Variants in CA13 observed in about 807,000 individuals in gnomAD.
The protein encoded by CA13 is carbonic anhydrase 13.
Under a neutral mutation model 31.5 loss-of-function variants are expected in CA13, and 21 were observed. The ratio of observed to expected loss-of-function variants is 0.67; its 90% CI spans 0.47 to 0.96. CA13 has a LOEUF of 0.96. Ranked by LOEUF, CA13 falls within the 40% of genes least tolerant of loss-of-function variation. The pLI is 0.00. For synonymous variants in CA13, 117 were observed against 111.4 expected (o/e 1.05, Z -0.32); for missense variants, 315 against 318.9 (o/e 0.99, Z 0.09).
chr8:85,283,227 A>G lies in CA13; in HGVS notation c.*1878A>G, dbSNP rs540104899. 4 of 152,254 alleles carry G rather than the reference A, an allele frequency of 2.6e-5. No homozygotes were observed. The East Asian group carries it at 7.7e-4, about 29-fold the overall frequency. The allele number at this position is 152,254 out of a possible 1,614,324, so 9.4% of individuals were successfully genotyped here. ...TTGTGAGCCACCACACCTGGCTTGA[A>G]TGTAGATTTTAATAATTGAATTTAT... On this transcript the variant is annotated 3_prime_UTR_variant, in exon 7 of 7. Coordinates refer to ENST00000321764, the MANE Select transcript of CA13 (RefSeq NM_198584.3).
At chr8:85,254,224 G>C (rs1484456311) in intron 2 of CA13, among the ~76,000 whole-genome samples, 1 of 149,348 alleles carries the variant, frequency 6.7e-6, no homozygotes, top group Non-Finnish European at 1.5e-5. Context: ...GTTGCAGTGA[G>C]CCAAGATCAT....
intron 2 of CA13, among the ~76,000 whole-genome samples, chr8:85,253,210 G>T (rs1022341026): frequency 2.6e-5 from 4 of 152,076 alleles, no homozygotes; most frequent in South Asian, 2.1e-4. Context: ...CTCCCAAAGT[G>T]CTGGGATTAC....
At chr8:85,246,365 G>A (rs1454844313) in intron 1 of CA13, 1 of 456,122 alleles carries the variant, frequency 2.2e-6, no homozygotes, top group South Asian at 1.5e-5. Context: ...TTGGCTTCGT[G>A]GCAAACAAAA....
chr8:85,275,095 G>A (rs937051479), intron 6 of CA13, among the ~76,000 whole-genome samples: 1 of 152,132 alleles, frequency 6.6e-6, no homozygotes, highest in Non-Finnish European at 1.5e-5. Flanking sequence ...AGTGCACTTA[G>A]GCTGGGGTAT....
At chr8:85,247,891 T>G (rs1313305558) in intron 1 of CA13, among the ~76,000 whole-genome samples, 1 of 117,434 alleles carries the variant, frequency 8.5e-6, no homozygotes. Flanking sequence ...AGTTTTTTGT[T>G]TTTTTTTTTT....
chr8:85,245,618 A>G lies in CA13; in HGVS notation c.-211A>G. On this transcript the variant is annotated 5_prime_UTR_variant, in exon 1 of 7. Coordinates refer to ENST00000321764, the MANE Select transcript of CA13 (RefSeq NM_198584.3). ...AACTAAGAGAGACTCGCGCCCCAGG[A>G]GTCAGCCAGCGGCGCGGGCGCCTTC... 1 of 592,130 alleles carries G rather than the reference A, an allele frequency of 1.7e-6. No individual in the cohort carries two copies. Among genetic ancestry groups the G allele is most frequent in the Non-Finnish European group, 3.0e-6 (1 of 334,858 alleles). The allele number at this position is 592,130 out of a possible 1,614,324, so 36.7% of individuals were successfully genotyped here. A position where few individuals can be genotyped will look rare whatever the true frequency, so the allele number is the denominator to read the frequency against.
chr8:85,259,366 C>A, intron 2 of CA13, 55 bp from the exon 3 acceptor site: 1 of 1,401,778 alleles, frequency 7.1e-7, no homozygotes. Context: ...GTGGTTTGAG[C>A]AGCTTATGTA....
chr8:85,252,287 A>T (rs2129950775), intron 2 of CA13, among the ~76,000 whole-genome samples: 1 of 152,250 alleles, frequency 6.6e-6, no homozygotes, highest in Middle Eastern at 3.4e-3. Context: ...AATAATTTTA[A>T]AAGTTGAATT....
intron 6 of CA13, among the ~76,000 whole-genome samples, chr8:85,269,639 G>A (rs1189226115): frequency 6.6e-6 from 1 of 152,118 alleles, no homozygotes; most frequent in Non-Finnish European, 1.5e-5. Context: ...GCTGTAGGGA[G>A]GTTCTTTCTG....
chr8:85,249,043 G>T (rs946098289), intron 1 of CA13, among the ~76,000 whole-genome samples: 1 of 152,196 alleles, frequency 6.6e-6, no homozygotes, highest in Non-Finnish European at 1.5e-5. Context: ...GACTTCTGAT[G>T]CTCAAGTGGC....
intron 1 of CA13, among the ~76,000 whole-genome samples, chr8:85,250,037 G>T (rs1813799357): frequency 6.6e-6 from 1 of 152,184 alleles, no homozygotes; most frequent in South Asian, 2.1e-4. Flanking sequence ...TGTAACATTG[G>T]CAAAATAACC....
chr8:85,250,695 G>GA, intron 1 of CA13, 45 bp from the exon 2 acceptor site: 2 of 1,272,606 alleles, frequency 1.6e-6, no homozygotes, highest in Non-Finnish European at 2.3e-6. Flanking sequence ...TTTGTTGAAA[G>GA]AAAGAACTTA....
chr8:85,259,338 G>C (rs1807345970), intron 2 of CA13, 83 bp from the exon 3 acceptor site: 1 of 1,070,308 alleles, frequency 9.3e-7, no homozygotes, highest in African/African-American at 1.5e-5. Flanking sequence ...GATGTATGGA[G>C]TAATTCAGGG....
Position 85,276,719 on chromosome 8 carries a change from CTG to C in CA13, c.670-4509_670-4508del, listed in dbSNP as rs1377366442. Among the ~76,000 whole-genome samples, 16 of 152,094 alleles carry C rather than the reference CTG, an allele frequency of 1.1e-4. 1 individual carries two copies. The highest frequency in any genetic ancestry group is 1.0e-3 in the Admixed American group (16 of 15,280). ...GATTGTAAATACACCAATCAGCACT[CTG>C]TATCTAGCTCAAGGTTTGTAAACAC... is the stretch of plus-strand genomic sequence containing the variant. On this transcript the variant is annotated intron_variant, in intron 6 of 6. Coordinates refer to ENST00000321764, the MANE Select transcript of CA13 (RefSeq NM_198584.3).
At chr8:85,248,554 G>T (rs1362446095) in intron 1 of CA13, among the ~76,000 whole-genome samples, 2 of 152,014 alleles carry the variant, frequency 1.3e-5, no homozygotes, top group African/African-American at 4.8e-5. Flanking sequence ...GAGGCCAGGA[G>T]TTCCAGACTA....
intron 3 of CA13, among the ~76,000 whole-genome samples, chr8:85,260,401 T>A (rs1229092775): frequency 1.3e-5 from 2 of 152,222 alleles, no homozygotes; most frequent in Non-Finnish European, 2.9e-5. Flanking sequence ...CAGAGCTAAG[T>A]TATCAGGCAA....
intron 6 of CA13, among the ~76,000 whole-genome samples, chr8:85,276,159 G>A (rs986715921): frequency 2.0e-5 from 3 of 152,058 alleles, no homozygotes; most frequent in Non-Finnish European, 2.9e-5. Context: ...CACTCGGAGC[G>A]GCGGGCCGGC....
chr8:85,279,060 G>A (rs993044330), intron 6 of CA13, among the ~76,000 whole-genome samples: 1 of 152,202 alleles, frequency 6.6e-6, no homozygotes, highest in Non-Finnish European at 1.5e-5. Flanking sequence ...TTGAGCATGA[G>A]AGTGGCATAA....
intron 3 of CA13, among the ~76,000 whole-genome samples, chr8:85,261,938 TG>T (rs1178895034): frequency 2.0e-5 from 3 of 151,868 alleles, no homozygotes; most frequent in Admixed American, 6.6e-5. Context: ...TTTGACCTCC[TG>T]GGTTCAAGGG....
Sources: gnomAD v4.1 joint callset for allele counts (sites outside exome capture counted in the v4.1 genomes callset) on GRCh38, gnomAD v4.1.1 for gene constraint, MANE v1.5 for transcripts, NCBI Gene and HGNC (gene_info 2026-07-23, HGNC 2026-07-21) for gene names.